The following ADGRV1 variants were observed in gnomAD, a reference collection of about 807,000 sequenced individuals.
ADGRV1 encodes G-protein coupled receptor 98.
In ADGRV1, 359 loss-of-function variants were observed where a neutral mutation model predicts 596.2. The observed-to-expected ratio is 0.60, with a 90% CI of 0.55 to 0.66. ADGRV1 has a LOEUF of 0.66. Among genes scored for constraint, ADGRV1 ranks in the 30% least tolerant of loss-of-function variants. ADGRV1 has a pLI of 0.00. For missense variants in ADGRV1, 7,274 were observed against 7,575.6 expected (o/e 0.96, Z 1.48); for synonymous variants, 2,681 against 2,679.2 (o/e 1.00, Z -0.02).
chr5:90,905,023 C>T (rs1368216840), intron 83 of ADGRV1, among the ~76,000 whole-genome samples: 1 of 151,774 alleles, frequency 6.6e-6, no homozygotes, highest in Admixed American at 6.6e-5. Context: ...GTTCTTGGCC[C>T]CTTTGTTGAA....
intron 84 of ADGRV1, among the ~76,000 whole-genome samples, chr5:90,976,294 G>A (rs1243856617): frequency 9.6e-6 from 1 of 104,568 alleles, no homozygotes; most frequent in Non-Finnish European, 2.0e-5. Flanking sequence ...GTATGTGTGT[G>A]TATATGTGTG....
intron 85 of ADGRV1, among the ~76,000 whole-genome samples, chr5:91,005,364 GTATA>G (rs200387484): frequency 6.8e-6 from 1 of 146,140 alleles, no homozygotes; most frequent in Admixed American, 7.0e-5. Context: ...CTATTGCTGT[GTATA>G]TATATATATA....
At chr5:90,938,250 C>T (rs931049854) in intron 83 of ADGRV1, among the ~76,000 whole-genome samples, 3 of 152,090 alleles carry the variant, frequency 2.0e-5, no homozygotes, top group Non-Finnish European at 2.9e-5. Context: ...TTTTTAATGT[C>T]AATTAGGACA....
rs569335685 is a variant in ADGRV1, at chr5:90,673,905, T to C, written c.4930-149T>C. 2.1e-5 allele frequency: 13 copies of C among 610,112 alleles called. No homozygotes were observed. The African/African-American group carries it at 2.4e-4, about 11-fold the overall frequency. The allele number at this position is 610,112 out of a possible 1,614,324, so 37.8% of individuals were successfully genotyped here. A position where few individuals can be genotyped will look rare whatever the true frequency, so the allele number is the denominator to read the frequency against. On this transcript the variant is annotated intron_variant, in intron 22 of 89. Transcript: ENST00000405460. ...ATATACACACATATGCACACACACA[T>C]ACAATGTTTTAATGTTTTAATTTAT...
chr5:90,929,274 A>T (rs1368339055), intron 83 of ADGRV1: 2 of 154,136 alleles, frequency 1.3e-5, no homozygotes, highest in African/African-American at 4.8e-5. Context: ...CTGTGCTAGC[A>T]ATCAGCGAGA....
chr5:91,055,598 T>G (rs1258418118), intron 85 of ADGRV1, among the ~76,000 whole-genome samples: 1 of 152,236 alleles, frequency 6.6e-6, no homozygotes, highest in Non-Finnish European at 1.5e-5. Context: ...AAAGCAGTGC[T>G]GGTGCTCAAA....
At chr5:90,595,806 C>T (rs1760398319) in intron 1 of ADGRV1, among the ~76,000 whole-genome samples, 7 of 143,232 alleles carry the variant, frequency 4.9e-5, no homozygotes, top group Middle Eastern at 4.2e-3. Context: ...CCCCACCTCC[C>T]TCCCGGACGG....
At chr5:90,849,940 C>T (rs1766315217) in intron 79 of ADGRV1, among the ~76,000 whole-genome samples, 1 of 152,070 alleles carries the variant, frequency 6.6e-6, no homozygotes, top group African/African-American at 2.4e-5. Context: ...TTGTTTTGTC[C>T]TTACAGAGAT....
chr5:90,897,717 C>T (rs761853226), intron 83 of ADGRV1, among the ~76,000 whole-genome samples: 44 of 152,220 alleles, frequency 2.9e-4, no homozygotes, highest in East Asian at 9.7e-4. Context: ...TGAGGGCTAT[C>T]GTTTTGCCTA....
At chr5:90,888,894 G>C (rs955944216) in intron 83 of ADGRV1, among the ~76,000 whole-genome samples, 7 of 152,108 alleles carry the variant, frequency 4.6e-5, no homozygotes, top group African/African-American at 1.7e-4. Context: ...AGGAGCCATA[G>C]TGTAATCCTC....
chr5:91,063,009 A>G (rs1355443374), intron 85 of ADGRV1, among the ~76,000 whole-genome samples: 2 of 124,778 alleles, frequency 1.6e-5, no homozygotes, highest in Non-Finnish European at 3.1e-5. Flanking sequence ...CCCAGGCTGG[A>G]GTGCAGTGGC....
intron 88 of ADGRV1, among the ~76,000 whole-genome samples, chr5:91,150,834 T>A (rs1422276365): frequency 6.6e-6 from 1 of 152,196 alleles, no homozygotes; most frequent in Non-Finnish European, 1.5e-5. Flanking sequence ...TCTGTCCACA[T>A]CATTTTTATT....
chr5:90,636,124 A>G (rs2149404740), intron 10 of ADGRV1, among the ~76,000 whole-genome samples: 2 of 152,050 alleles, frequency 1.3e-5, no homozygotes, highest in Admixed American at 1.3e-4. Context: ...AGACATACAA[A>G]ACGTTCACAT....
chr5:90,642,522 C>T (rs1767100838), intron 11 of ADGRV1, 114 bp from the exon 12 acceptor site: 1 of 1,119,430 alleles, frequency 8.9e-7, no homozygotes, highest in East Asian at 2.4e-5. Context: ...TCTAATTCCT[C>T]ATAGCCTTCC....
At chr5:90,574,746 T>C (rs1380735261) in intron 1 of ADGRV1, among the ~76,000 whole-genome samples, 1 of 152,208 alleles carries the variant, frequency 6.6e-6, no homozygotes, top group Non-Finnish European at 1.5e-5. Flanking sequence ...AGGTTCCTTA[T>C]CACTAATTTA....
chr5:90,619,303 T>C (rs1763747634), intron 4 of ADGRV1, 122 bp downstream of exon 4: 2 of 470,050 alleles, frequency 4.3e-6, no homozygotes, highest in African/African-American at 2.0e-5. Context: ...AAAATTTGCT[T>C]TAACTTTGTC....
intron 52 of ADGRV1, among the ~76,000 whole-genome samples, chr5:90,749,773 T>C (rs1219610146): frequency 6.6e-6 from 1 of 152,176 alleles, no homozygotes; most frequent in Non-Finnish European, 1.5e-5. Flanking sequence ...AGAGACGTTG[T>C]GTATGTTTGG....
chr5:90,996,353 T>A (rs1215945975), intron 85 of ADGRV1, among the ~76,000 whole-genome samples: 1 of 152,182 alleles, frequency 6.6e-6, no homozygotes, highest in Non-Finnish European at 1.5e-5. Context: ...GGGCCGCAGA[T>A]ATGTCTCAGG....
At chr5:90,579,477 G>A (rs1051117738) in intron 1 of ADGRV1, among the ~76,000 whole-genome samples, 19 of 152,214 alleles carry the variant, frequency 1.2e-4, no homozygotes, top group Non-Finnish European at 2.4e-4. Context: ...GAGACAGTTT[G>A]TTGTGATTTC....
Sources: allele counts gnomAD v4.1 joint callset (sites outside exome capture counted in the v4.1 genomes callset), GRCh38; gene constraint gnomAD v4.1.1; transcripts MANE v1.5; gene names NCBI Gene and HGNC (gene_info 2026-07-23, HGNC 2026-07-21).